TRIM56: variants seen among roughly 807,000 people sequenced by gnomAD.
The protein encoded by TRIM56 is tripartite motif containing 56.
A neutral mutation model predicts 17.1 loss-of-function variants in TRIM56; 10 were observed. The observed-to-expected ratio is 0.58, with a 90% CI of 0.36 to 0.99. The LOEUF (loss-of-function observed/expected upper bound fraction) is 0.99. Among genes scored for constraint, TRIM56 ranks in the 50% least tolerant of loss-of-function variants. The probability of loss-of-function intolerance (pLI) is 0.01; values close to 1 mark genes in which losing one functional copy is unlikely to be tolerated. For missense variants in TRIM56, 923 were observed against 1,052.3 expected, an observed-to-expected ratio of 0.88 and a Z score of 1.70; for synonymous variants, 503 against 473.5, an observed-to-expected ratio of 1.06 and a Z score of -0.81.
chr7:101,086,453 C>G (rs1237493157), intron 1 of TRIM56, among the ~76,000 whole-genome samples: 1 of 149,244 alleles, frequency 6.7e-6, no homozygotes, highest in East Asian at 2.1e-4. Flanking sequence ...CACAGCTACT[C>G]GGGAGGCTGA....
In TRIM56 at chr7:101,088,408, C is replaced by T. The variant is rs2116530663; in HGVS notation, c.1096C>T (p.Leu366Phe). The T allele has an allele frequency of 1.2e-6, 2 of 1,607,212 alleles. No individual in the cohort carries two copies. Among genetic ancestry groups the T allele is most frequent in the South Asian group, 2.2e-5 (2 of 90,558 alleles). Residue 366 changes from leucine to phenylalanine, a missense_variant, in exon 3 of 3, where the codon CTT becomes TTT. By Grantham distance (22) the Leu-to-Phe change is conservative. Transcript: ENST00000306085. ...PGLLDKNCHL[L>F]RLSFEEQQPQ... ...GCTCCTGGACAAGAACTGCCACCTT[C>T]TTCGGCTGTCCTTTGAGGAGCAGCA... is the stretch of plus-strand genomic sequence containing the variant.
chr7:101,092,868 T>C lies in TRIM56; in HGVS notation c.*3288T>C, dbSNP rs1037191959. 4.6e-5 allele frequency: 8 copies of C among 174,358 alleles called. No individual in the cohort carries two copies. Among genetic ancestry groups the C allele is most frequent in the African/African-American group, 1.9e-4 (8 of 41,826 alleles). The allele number at this position is 174,358 out of a possible 1,614,324, so 10.8% of individuals were successfully genotyped here. A position where few individuals can be genotyped will look rare whatever the true frequency, so the allele number is the denominator to read the frequency against. On this transcript the variant is annotated 3_prime_UTR_variant, in exon 3 of 3. Coordinates refer to ENST00000306085, the MANE Select transcript of TRIM56 (RefSeq NM_030961.3). ...ACAGCTCATTGAGAACGGGCCATGA[T>C]GACGATGGCGGTTTTGTGGAATAGA...
chr7:101,088,057 G>A lies in TRIM56; in HGVS notation c.745G>A (p.Ala249Thr). 6.5e-7 allele frequency: 1 copy of A among 1,530,592 alleles called. No homozygotes were observed. Among genetic ancestry groups the A allele is most frequent in the Non-Finnish European group, 8.8e-7 (1 of 1,141,482 alleles). 94.8% of individuals were successfully genotyped at this position (1,530,592 alleles called of 1,614,324 possible). ...EALARLREQA[A>T]RVGTQVEEAA... ...GCTAGCCCGGCTGCGGGAGCAGGCG[G>A]CCCGGGTGGGGACTCAGGTGGAGGA... The change falls in exon 3 of 3, where the codon GCC (alanine) becomes ACC (threonine). Residue 249 changes from alanine (A) to threonine (T), a missense_variant. Physicochemically the swap from Ala to Thr is moderately conservative, Grantham distance 58. This residue lies in a region of TRIM56 where 643 missense variants were observed against 665.6 expected (regional missense o/e 0.97). Transcript: ENST00000306085.
Position 101,087,808 on chromosome 7 carries a change from G to C in TRIM56, c.496G>C (p.Ala166Pro), listed in dbSNP as rs1317836061. 1 of 1,605,964 alleles carries C rather than the reference G, an allele frequency of 6.2e-7. No homozygotes were observed. The highest frequency in any genetic ancestry group is 1.3e-5 in the African/African-American group (1 of 74,854). ...WYDEEARERQ[A>P]AQCPQHPGEA... ...TGATGAGGAGGCCCGGGAGCGCCAA[G>C]CGGCCCAGTGTCCCCAGCACCCCGG... The change falls in exon 3 of 3, where the codon GCG becomes CCG. Residue 166 changes from alanine to proline, a missense_variant. By Grantham distance (27) the Ala-to-Pro change is conservative. This residue lies in a region of TRIM56 where 643 missense variants were observed against 665.6 expected (regional missense o/e 0.97). Transcript: ENST00000306085.
Position 101,090,217 on chromosome 7 carries a change from C to T in TRIM56, c.*637C>T, listed in dbSNP as rs1358210418. 6.0e-6 allele frequency: 1 copy of T among 167,106 alleles called. No individual in the cohort carries two copies. Among genetic ancestry groups the T allele is most frequent in the Non-Finnish European group, 1.5e-5 (1 of 68,162 alleles). 10.4% of individuals were successfully genotyped at this position (167,106 alleles called of 1,614,324 possible). A position where few individuals can be genotyped will look rare whatever the true frequency, so the allele number is the denominator to read the frequency against. Reference sequence around the variant, plus strand: ...GCTGGGGCCAAAGAGGTGTTAGGTTCAAAGGCTGCGAAGAGAATAGGCTAC... The same window carrying T: ...GCTGGGGCCAAAGAGGTGTTAGGTTTAAAGGCTGCGAAGAGAATAGGCTAC... On this transcript the variant is annotated 3_prime_UTR_variant, in exon 3 of 3. Coordinates refer to ENST00000306085, the MANE Select transcript of TRIM56 (RefSeq NM_030961.3).
Position 101,092,163 on chromosome 7 carries a change from C to T in TRIM56, c.*2583C>T. The T allele has an allele frequency of 4.4e-6, 1 of 229,404 alleles. No individual in the cohort carries two copies. Among genetic ancestry groups the T allele is most frequent in the Non-Finnish European group, 8.6e-6 (1 of 116,320 alleles). 14.2% of individuals were successfully genotyped at this position (229,404 alleles called of 1,614,324 possible). On this transcript the variant is annotated 3_prime_UTR_variant, in exon 3 of 3. Transcript: ENST00000306085. ...CAACCTCCACCTCCCAGCCGCCCGC[C>T]TTGGCCTCCCAAAGTGCCGAGATTA...
rs1795612148 is a variant in TRIM56, at chr7:101,093,461, A to C, written c.*3881A>C. On this transcript the variant is annotated 3_prime_UTR_variant, in exon 3 of 3. Coordinates refer to ENST00000306085, the MANE Select transcript of TRIM56 (RefSeq NM_030961.3). The stretch of plus-strand genomic sequence containing the variant: ...TAGAACAGTATTTGGTCAAAGAACC[A>C]CATAAGCTCTGTACCCTGGAGGAAA... The C allele has an allele frequency of 6.6e-6, 1 of 151,828 alleles. No individual in the cohort carries two copies. Among genetic ancestry groups the C allele is most frequent in the Non-Finnish European group, 1.5e-5 (1 of 68,018 alleles). The allele number at this position is 151,828 out of a possible 1,614,324, so 9.4% of individuals were successfully genotyped here. A position where few individuals can be genotyped will look rare whatever the true frequency, so the allele number is the denominator to read the frequency against.
rs116643113 is a variant in TRIM56 at position 101,091,812 on chromosome 7, T to C, written c.*2232T>C. 0.023 allele frequency: 9,839 copies of C among 420,960 alleles called. 143 individuals carry two copies. The highest frequency in any genetic ancestry group is 0.041 in the African/African-American group (1,900 of 45,814). 26.1% of individuals were successfully genotyped at this position (420,960 alleles called of 1,614,324 possible). On this transcript the variant is annotated 3_prime_UTR_variant, in exon 3 of 3. Transcript: ENST00000306085. ...CGGTCTCCCTCTGCCTCTCTTTCCA[T>C]GGTCACGGTCTCCCTCTGATGCCGA...
At position 101,087,740 on chromosome 7, in the gene TRIM56, C is replaced by G; in HGVS notation, c.428C>G (p.Thr143Ser). 6.2e-7 allele frequency: 1 copy of G among 1,602,478 alleles called. No individual in the cohort carries two copies. The highest frequency in any genetic ancestry group is 8.5e-7 in the Non-Finnish European group (1 of 1,175,638). ...DGHRCTRQTH[T>S]HRVVDLVGYR... ...CACCGCTGCACCCGCCAGACCCACA[C>G]CCACCGCGTGGTGGACCTGGTGGGC... Residue 143 changes from threonine to serine, a missense_variant, in exon 3 of 3, where the codon ACC (threonine) becomes AGC (serine). Transcript: ENST00000306085.
In TRIM56 at chr7:101,093,779, G is replaced by C. The variant is rs1451189778; in HGVS notation, c.*4199G>C. 1 of 152,138 alleles carries C rather than the reference G, an allele frequency of 6.6e-6. No individual in the cohort carries two copies. The highest frequency in any genetic ancestry group is 1.5e-5 in the Non-Finnish European group (1 of 68,038). The allele number at this position is 152,138 out of a possible 1,614,324, so 9.4% of individuals were successfully genotyped here. On this transcript the variant is annotated 3_prime_UTR_variant, in exon 3 of 3. Transcript: ENST00000306085. Reference sequence around the variant, plus strand: ...TGGGAGGCAGAGGGTGCAGCGAGCCGAGTTCACCCCATTGCACTCCAGCCT... The same window carrying C: ...TGGGAGGCAGAGGGTGCAGCGAGCCCAGTTCACCCCATTGCACTCCAGCCT...
At chr7:101,086,602 C>T (rs1425652073) in intron 1 of TRIM56, among the ~76,000 whole-genome samples, 6 of 149,906 alleles carry the variant, frequency 4.0e-5, no homozygotes, top group Non-Finnish European at 7.4e-5. Flanking sequence ...CATGGTGGCA[C>T]ATGCCTGTAC....
Position 101,087,633 on chromosome 7 carries a change from G to A in TRIM56, c.321G>A (p.Val107=). Residue 107 remains valine (V), a synonymous_variant, in exon 3 of 3, where the codon GTG becomes GTA. Transcript: ENST00000306085. ...CAGCCTGTGCCCTGTGTCCCCTGGT[G>A]GGTGGCACCAGCACCGGGGGGCCGG... is the stretch of plus-strand genomic sequence containing the variant. ...GKPACALCPL[V]GGTSTGGPAT... 6.2e-7 allele frequency: 1 copy of A among 1,611,196 alleles called. No homozygotes were observed. Among genetic ancestry groups the A allele is most frequent in the African/African-American group, 1.3e-5 (1 of 75,016 alleles).
chr7:101,088,869 G>A lies in TRIM56; in HGVS notation c.1557G>A (p.Arg519=). 2 of 1,613,924 alleles carry A rather than the reference G, an allele frequency of 1.2e-6. No homozygotes were observed. Among genetic ancestry groups the A allele is most frequent in the Non-Finnish European group, 1.7e-6 (2 of 1,180,038 alleles). ...CCGGGCTCTGTCCCTTCGGTCCCCG[G>A]GAGATCCTGGTGGCGGATGAGCAGA... ...RITGLCPFGP[R]EILVADEQNR... Residue 519 remains arginine (R), a synonymous_variant, in exon 3 of 3, where the codon CGG becomes CGA. Transcript: ENST00000306085.
At position 101,096,264 on chromosome 7, in the gene TRIM56, C is replaced by T. The variant is rs1378540389; in HGVS notation, c.*6684C>T. 1.3e-5 allele frequency: 2 copies of T among 152,234 alleles called. No homozygotes were observed. The highest frequency in any genetic ancestry group is 2.1e-4 in the South Asian group (1 of 4,808). The allele number at this position is 152,234 out of a possible 1,614,324, so 9.4% of individuals were successfully genotyped here. On this transcript the variant is annotated 3_prime_UTR_variant, in exon 3 of 3. Coordinates refer to ENST00000306085, the MANE Select transcript of TRIM56 (RefSeq NM_030961.3). ...CAAAATGTTTTACCCCAGCCCACTGCACCACACCTGGGATTGTGACAATTA... is the reference window on the plus strand; with the variant it reads ...CAAAATGTTTTACCCCAGCCCACTGTACCACACCTGGGATTGTGACAATTA...
rs1795534924 is a variant in TRIM56 at position 101,089,949 on chromosome 7, G to C, written c.*369G>C. ...AAACCATTCCTGATAGAGTAGCCGAGGGAGAGTCTTGGGGCCAAGAAGGGC... is the reference window on the plus strand; with the variant it reads ...AAACCATTCCTGATAGAGTAGCCGACGGAGAGTCTTGGGGCCAAGAAGGGC... On this transcript the variant is annotated 3_prime_UTR_variant, in exon 3 of 3. Transcript: ENST00000306085. 4.6e-6 allele frequency: 1 copy of C among 219,736 alleles called. No individual in the cohort carries two copies. The allele number at this position is 219,736 out of a possible 1,614,324, so 13.6% of individuals were successfully genotyped here.
At position 101,096,302 on chromosome 7, in the gene TRIM56, G is replaced by T. The variant is rs1403481235; in HGVS notation, c.*6722G>T. ...ATTGTGACAATTAACTTGATAAATT[G>T]TTCCTTTTCCTGTTCGGAACTGACT... On this transcript the variant is annotated 3_prime_UTR_variant, in exon 3 of 3. Coordinates refer to ENST00000306085, the MANE Select transcript of TRIM56 (RefSeq NM_030961.3). 3 of 152,206 alleles carry T rather than the reference G, an allele frequency of 2.0e-5. No homozygotes were observed. The highest frequency in any genetic ancestry group is 4.4e-5 in the Non-Finnish European group (3 of 68,042). 9.4% of individuals were successfully genotyped at this position (152,206 alleles called of 1,614,324 possible).
chr7:101,087,803 G>A lies in TRIM56; in HGVS notation c.491G>A (p.Arg164His), dbSNP rs568865145. The A allele has an allele frequency of 1.2e-5, 20 of 1,605,534 alleles. No individual in the cohort carries two copies. The highest frequency in any genetic ancestry group is 4.4e-5 in the South Asian group (4 of 90,536). Residue 164 changes from arginine (R) to histidine (H), a missense_variant, in exon 3 of 3, where the codon CGC becomes CAC. Arg to His is a conservative substitution (Grantham distance 29). Around this residue, in one of 3 missense-constraint regions of TRIM56, gnomAD observed 643 missense variants for 665.6 expected, o/e 0.97. Transcript: ENST00000306085. ...AGWYDEEARE[R>H]QAAQCPQHPG... ...TGGTATGATGAGGAGGCCCGGGAGC[G>A]CCAAGCGGCCCAGTGTCCCCAGCAC...
rs1048335999 is a variant in TRIM56 at position 101,095,820 on chromosome 7, A to C, written c.*6240A>C. 6.6e-6 allele frequency: 1 copy of C among 152,212 alleles called. No homozygotes were observed. Among genetic ancestry groups the C allele is most frequent in the East Asian group, 1.9e-4 (1 of 5,196 alleles). The allele number at this position is 152,212 out of a possible 1,614,324, so 9.4% of individuals were successfully genotyped here. ...GCATTGAGCATAATTTGGAGGTAAA[A>C]TCTCCAACACCGTAACTGAGTGGCC... On this transcript the variant is annotated 3_prime_UTR_variant, in exon 3 of 3. Transcript: ENST00000306085.
At chr7:101,086,225 CA>C (rs1172077600) in intron 1 of TRIM56, among the ~76,000 whole-genome samples, 4 of 151,718 alleles carry the variant, frequency 2.6e-5, no homozygotes, top group Non-Finnish European at 5.9e-5. Context: ...GGCAACATAG[CA>C]AGACCCCATC....
Sources: allele counts gnomAD v4.1 joint callset (sites outside exome capture counted in the v4.1 genomes callset), GRCh38; gene constraint gnomAD v4.1.1; regional missense constraint gnomAD v4.1.1; transcripts MANE v1.5; gene names NCBI Gene and HGNC (gene_info 2026-07-23, HGNC 2026-07-21).